ARHGAP44: variants seen among roughly 807,000 people sequenced by gnomAD.
ARHGAP44 encodes Rho GTPase activating protein 44.
ARHGAP44 carries 43 observed loss-of-function variants against 106.8 expected under a neutral mutation model. That is an observed-to-expected ratio of 0.40 (90% CI 0.32 to 0.52). The LOEUF (loss-of-function observed/expected upper bound fraction) is 0.52. Among genes scored for constraint, ARHGAP44 ranks in the 20% least tolerant of loss-of-function variants. The pLI, the probability that ARHGAP44 is intolerant of heterozygous loss-of-function variation, is 0.48. For synonymous variants in ARHGAP44, 439 were observed against 410.3 expected, an observed-to-expected ratio of 1.07 and a Z score of -0.85; for missense variants, 866 against 1,050.5, an observed-to-expected ratio of 0.82 and a Z score of 2.43.
At chr17:12,856,565 G>T (rs959077843) in intron 1 of ARHGAP44, among the ~76,000 whole-genome samples, 2 of 152,126 alleles carry the variant, frequency 1.3e-5, no homozygotes, top group Non-Finnish European at 2.9e-5. Context: ...TTTCCCCATA[G>T]AAGTTTTTAT....
At chr17:12,964,905 C>T (rs373479582) in intron 16 of ARHGAP44, among the ~76,000 whole-genome samples, 1 of 152,316 alleles carries the variant, frequency 6.6e-6, no homozygotes, top group African/African-American at 2.4e-5. Context: ...TCTGTCTCCA[C>T]GACCTGCAAG....
At chr17:12,845,958 A>G (rs1192209750) in intron 1 of ARHGAP44, among the ~76,000 whole-genome samples, 1 of 152,220 alleles carries the variant, frequency 6.6e-6, no homozygotes, top group Admixed American at 6.5e-5. Flanking sequence ...GGAAGTACAC[A>G]TAAGACAGGG....
At chr17:12,906,008 G>A (rs561942951) in intron 3 of ARHGAP44, among the ~76,000 whole-genome samples, 1 of 152,268 alleles carries the variant, frequency 6.6e-6, no homozygotes, top group African/African-American at 2.4e-5. Flanking sequence ...GTGCCTTGTA[G>A]GATGTTTAGC....
intron 18 of ARHGAP44, among the ~76,000 whole-genome samples, chr17:12,979,825 G>A (rs1193331472): frequency 1.3e-5 from 2 of 152,200 alleles, no homozygotes; most frequent in African/African-American, 4.8e-5. Flanking sequence ...GGCATTGGCA[G>A]TGAGTGCCAA....
At chr17:12,894,698 C>T (rs190742990) in intron 1 of ARHGAP44, among the ~76,000 whole-genome samples, 17 of 138,162 alleles carry the variant, frequency 1.2e-4, no homozygotes, top group Non-Finnish European at 4.9e-5. Flanking sequence ...CATTTGTTGT[C>T]ATGAATCCAG....
intron 1 of ARHGAP44, among the ~76,000 whole-genome samples, chr17:12,884,861 G>A (rs1334347234): frequency 1.3e-5 from 2 of 152,108 alleles, no homozygotes. Context: ...TAGCATGTAT[G>A]AGTGGTCCAT....
chr17:12,802,927 T>TTTTA (rs2034141433), intron 1 of ARHGAP44, among the ~76,000 whole-genome samples: 1 of 29,238 alleles, frequency 3.4e-5, no homozygotes, highest in African/African-American at 1.3e-4. Context: ...CCTGGCTAAT[T>TTTTA]TATATATATA....
intron 7 of ARHGAP44, among the ~76,000 whole-genome samples, chr17:12,936,920 G>A (rs935160826): frequency 3.3e-5 from 5 of 152,090 alleles, no homozygotes; most frequent in African/African-American, 1.2e-4. Context: ...TCTGTTTTTT[G>A]CCTTTTACTG....
rs1239605653 is a variant in ARHGAP44, at chr17:12,902,575, C to T, written c.198+6064C>T. On this transcript the variant is annotated intron_variant, in intron 3 of 20. Coordinates refer to ENST00000379672, the MANE Select transcript of ARHGAP44 (RefSeq NM_014859.6). ...AGCCTGCCCCAGCAGGGCAATGGTA[C>T]AAGTAGATGTGTGTCATGAATGGAT... Among the ~76,000 whole-genome samples, 3 of 152,280 alleles carry T rather than the reference C, an allele frequency of 2.0e-5. No homozygotes were observed. The East Asian group carries it at 5.8e-4, about 29-fold the overall frequency.
rs1228310124 is a variant in ARHGAP44 at position 12,884,002 on chromosome 17, T to C, written c.54-10938T>C. 6.6e-5 allele frequency among the ~76,000 whole-genome samples: 10 copies of C among 152,334 alleles called. No individual in the cohort carries two copies. The East Asian group carries it at 1.7e-3, about 26-fold the overall frequency. ...CAAATTCAGAATTCTCGTAACTTCT[T>C]GATGAGTTAAAGTTTTCTAACATTA... On this transcript the variant is annotated intron_variant, in intron 1 of 20. Coordinates refer to ENST00000379672, the MANE Select transcript of ARHGAP44 (RefSeq NM_014859.6).
At position 12,941,144 on chromosome 17, in the gene ARHGAP44, A is replaced by G. The variant is rs1185296199; in HGVS notation, c.651+20A>G. 1 of 1,611,338 alleles carries G rather than the reference A, an allele frequency of 6.2e-7. No homozygotes were observed. ...CAAACGGTAAGTGCCCAGAAAGGTG[A>G]GATTGCTTAAAGGCTGTTCGTAGGA... On this transcript the variant is annotated intron_variant, in intron 8 of 20. Transcript: ENST00000379672.
At chr17:12,922,771 G>A (rs1279724897) in intron 6 of ARHGAP44, among the ~76,000 whole-genome samples, 2 of 152,042 alleles carry the variant, frequency 1.3e-5, no homozygotes, top group African/African-American at 4.8e-5. Flanking sequence ...GCTAATTTTT[G>A]TATTTTTAGT....
At chr17:12,902,218 ATTC>A (rs1172923914) in intron 3 of ARHGAP44, among the ~76,000 whole-genome samples, 4 of 151,938 alleles carry the variant, frequency 2.6e-5, no homozygotes, top group African/African-American at 9.7e-5. Context: ...CTCTGTCATC[ATTC>A]TTCAGCTGTG....
At chr17:12,841,237 C>A (rs1416592614) in intron 1 of ARHGAP44, among the ~76,000 whole-genome samples, 1 of 152,146 alleles carries the variant, frequency 6.6e-6, no homozygotes, top group Non-Finnish European at 1.5e-5. Flanking sequence ...AGGAAATTCA[C>A]CTCGAGAGTG....
chr17:12,802,753 C>CTTTTTTTTTTTTTT (rs869172678), intron 1 of ARHGAP44, among the ~76,000 whole-genome samples: 77 of 108,692 alleles, frequency 7.1e-4, no homozygotes, highest in Non-Finnish European at 9.3e-4. Flanking sequence ...TTTTTTATTT[C>CTTTTTTTTTTTTTT]TTTTTTTTTT....
chr17:12,847,497 C>G lies in ARHGAP44; in HGVS notation c.54-47443C>G, dbSNP rs548253313. Among the ~76,000 whole-genome samples the G allele has an allele frequency of 5.4e-5, 8 of 148,118 alleles. No individual in the cohort carries two copies. The South Asian group carries it at 1.7e-3, about 32-fold the overall frequency. On this transcript the variant is annotated intron_variant, in intron 1 of 20. Transcript: ENST00000379672. ...CTCAGCCCTCCCCTACACCTTCCTT[C>G]AAGCTACCATCACTCTTTTTTTTTT... is the stretch of plus-strand genomic sequence containing the variant.
At chr17:12,946,153 A>C (rs548314600) in intron 10 of ARHGAP44, among the ~76,000 whole-genome samples, 57 of 152,342 alleles carry the variant, frequency 3.7e-4, no homozygotes, top group Non-Finnish European at 6.5e-4. Flanking sequence ...ATTTTTAAAA[A>C]AATTATGGAA....
In ARHGAP44 at chr17:12,791,089, G is replaced by A. The variant is rs1219993665; in HGVS notation, c.53+1198G>A. 2.6e-5 allele frequency among the ~76,000 whole-genome samples: 4 copies of A among 152,304 alleles called. No homozygotes were observed. The East Asian group carries it at 5.8e-4, about 22-fold the overall frequency. ...AGGGGACATCTGAACTCCCGTCTGA[G>A]CATACTGCCCTAGTTACAGTGGGCA... On this transcript the variant is annotated intron_variant, in intron 1 of 20. Transcript: ENST00000379672.
Position 12,980,255 on chromosome 17 carries a change from C to A in ARHGAP44, c.1939+22C>A, listed in dbSNP as rs200320449. 5 of 1,591,200 alleles carry A rather than the reference C, an allele frequency of 3.1e-6. No individual in the cohort carries two copies. The East Asian group carries it at 9.0e-5, about 29-fold the overall frequency. Reference sequence around the variant, plus strand: ...AAAGGTATGGCCCTGCTTCCCTTCTCCTTGGTCTCAGGCCGGAGGTGGCTG... The same window carrying A: ...AAAGGTATGGCCCTGCTTCCCTTCTACTTGGTCTCAGGCCGGAGGTGGCTG... On this transcript the variant is annotated intron_variant, in intron 19 of 20. Transcript: ENST00000379672.
Sources: allele counts gnomAD v4.1 joint callset (sites outside exome capture counted in the v4.1 genomes callset), GRCh38; gene constraint gnomAD v4.1.1; transcripts MANE v1.5; gene names NCBI Gene and HGNC (gene_info 2026-07-23, HGNC 2026-07-21).